Variants in CDH17 observed in about 807,000 individuals in gnomAD.
CDH17 encodes cadherin 17.
Under a neutral mutation model 86.3 loss-of-function variants are expected in CDH17, and 67 were observed. The ratio of observed to expected loss-of-function variants is 0.78; its 90% CI spans 0.64 to 0.95. CDH17 has a LOEUF of 0.95. CDH17 is among the 40% of genes least tolerant of loss of function. The pLI is 0.00. For synonymous variants in CDH17, 367 were observed against 366.4 expected (o/e 1.00, Z -0.02); for missense variants, 993 against 1,017.6 (o/e 0.98, Z 0.33).
chr8:94,148,541 C>CAA (rs59942237), intron 14 of CDH17, among the ~76,000 whole-genome samples: 479 of 29,154 alleles, frequency 0.016, 55 homozygotes, highest in African/African-American at 0.017. Flanking sequence ...GACTCCATCT[C>CAA]AAAAAAAAAA....
intron 3 of CDH17, among the ~76,000 whole-genome samples, chr8:94,180,451 A>G (rs1813459902): frequency 6.6e-6 from 1 of 152,188 alleles, no homozygotes; most frequent in South Asian, 2.1e-4. Context: ...AAATAGAATA[A>G]ACTCAAAGAA....
intron 17 of CDH17, 143 bp from the exon 18 acceptor site, chr8:94,128,483 G>T: frequency 1.6e-6 from 1 of 611,864 alleles, no homozygotes. Flanking sequence ...CTGTCCTAGT[G>T]AATAAGGGAC....
At chr8:94,211,797 C>A (rs185457065), upstream of CDH17, among the ~76,000 whole-genome samples, 85 of 152,314 alleles carry the variant, frequency 5.6e-4, no homozygotes, top group Admixed American at 2.7e-3. Flanking sequence ...TACTTAATAT[C>A]TGTCTTGCTC....
chr8:94,192,254 G>A (rs553496077), intron 2 of CDH17, among the ~76,000 whole-genome samples: 9 of 152,264 alleles, frequency 5.9e-5, no homozygotes, highest in Middle Eastern at 3.4e-3. Context: ...TCATCAAGCC[G>A]CTTTCCCCAG....
chr8:94,195,152 T>A (rs893770007), intron 1 of CDH17, among the ~76,000 whole-genome samples: 1 of 152,092 alleles, frequency 6.6e-6, no homozygotes, highest in Non-Finnish European at 1.5e-5. Flanking sequence ...CAAATGCCCA[T>A]CACCACGCCT....
chr8:94,154,241 C>A (rs974149169), intron 12 of CDH17, among the ~76,000 whole-genome samples: 1 of 152,158 alleles, frequency 6.6e-6, no homozygotes, highest in Non-Finnish European at 1.5e-5. Context: ...ATGAAAGAGT[C>A]TTTTCTGCAG....
chr8:94,216,555 G>A (rs577828498), intron 1 of CDH17, among the ~76,000 whole-genome samples: 1 of 101,862 alleles, frequency 9.8e-6, no homozygotes, highest in Admixed American at 1.4e-4. Flanking sequence ...GAGGGCTCCA[G>A]AGGGTTTGTT....
chr8:94,210,528 A>C (rs146619752), upstream of CDH17, among the ~76,000 whole-genome samples: 1 of 152,300 alleles, frequency 6.6e-6, no homozygotes, highest in East Asian at 1.9e-4. Flanking sequence ...CATGGTTTAG[A>C]CATCCTTCCA....
At chr8:94,135,597 C>T (rs1187024802) in intron 15 of CDH17, among the ~76,000 whole-genome samples, 1 of 152,178 alleles carries the variant, frequency 6.6e-6, no homozygotes, top group African/African-American at 2.4e-5. Context: ...TGGGTCTTGA[C>T]TCTTTATCCA....
Position 94,188,880 on chromosome 8 carries a change from C to T in CDH17, c.150+307G>A, listed in dbSNP as rs117488792. Among the ~76,000 whole-genome samples, 511 of 152,226 alleles carry T rather than the reference C, an allele frequency of 3.4e-3. 5 individuals carry two copies. Among genetic ancestry groups the T allele is most frequent in the South Asian group, 0.032 (156 of 4,822 alleles). ...AGCCTCGAGGGTGGATGGTCATTCC[C>T]CTCTCCAGAGACAGGTTCCCTTTCT... On this transcript the variant is annotated intron_variant, in intron 3 of 17. Transcript: ENST00000027335.
chr8:94,157,754 C>A (rs1812973484), intron 12 of CDH17, among the ~76,000 whole-genome samples: 1 of 151,978 alleles, frequency 6.6e-6, no homozygotes, highest in Admixed American at 6.6e-5. Context: ...CCCATCTCTA[C>A]AAAAATAAAA....
chr8:94,170,767 C>A, intron 8 of CDH17, 87 bp downstream of exon 8: 1 of 1,460,126 alleles, frequency 6.8e-7, no homozygotes, highest in Non-Finnish European at 9.2e-7. Context: ...TTTTTTTTTT[C>A]TTTAAAGTAA....
chr8:94,158,321 G>A (rs957913673), intron 12 of CDH17, among the ~76,000 whole-genome samples: 12 of 152,054 alleles, frequency 7.9e-5, no homozygotes, highest in Admixed American at 6.6e-5. Context: ...CATACCTCTC[G>A]TGTCAAGTTG....
rs1003047064 is a variant in CDH17 at position 94,148,434 on chromosome 8, C to T, written c.1927+310G>A. Among the ~76,000 whole-genome samples the T allele has an allele frequency of 4.7e-5, 7 of 147,542 alleles. No individual in the cohort carries two copies. The South Asian group carries it at 1.1e-3, about 23-fold the overall frequency. On this transcript the variant is annotated intron_variant, in intron 14 of 17. Transcript: ENST00000027335. ...GTGGGTGCCTGTAATCCCAGCTACTCGGAAGGCTGAGGTAGGAGAATTGCT... is the reference window on the plus strand; with the variant it reads ...GTGGGTGCCTGTAATCCCAGCTACTTGGAAGGCTGAGGTAGGAGAATTGCT...
At position 94,174,120 on chromosome 8, in the gene CDH17, T is replaced by C; in HGVS notation, c.565A>G (p.Ile189Val). The C allele has an allele frequency of 6.2e-7, 1 of 1,613,718 alleles. No homozygotes were observed. The change falls in exon 6 of 18, where the codon ATC (isoleucine) becomes GTC (valine). Residue 189 changes from isoleucine to valine, a missense_variant. Transcript: ENST00000027335. ...YFQINNKTGA[I>V]SLTREGSQEL... Reference sequence around the variant, plus strand: ...AACTTACCCTCTCGGGTAAGAGAGATGGCTCCCGTTTTGTTGTTGATCTGA... The same window carrying C: ...AACTTACCCTCTCGGGTAAGAGAGACGGCTCCCGTTTTGTTGTTGATCTGA...
chr8:94,192,788 G>A (rs1813711554), intron 2 of CDH17, among the ~76,000 whole-genome samples: 1 of 152,124 alleles, frequency 6.6e-6, no homozygotes, highest in African/African-American at 2.4e-5. Context: ...CCCAAACCCT[G>A]GATCACTTAT....
intron 17 of CDH17, among the ~76,000 whole-genome samples, chr8:94,128,838 C>T (rs758511548): frequency 5.9e-5 from 9 of 152,278 alleles, no homozygotes; most frequent in East Asian, 1.9e-4. Flanking sequence ...TCCTTGGGCG[C>T]CTTCCTCCTG....
chr8:94,194,977 C>T (rs1259097233), intron 1 of CDH17, among the ~76,000 whole-genome samples: 1 of 152,138 alleles, frequency 6.6e-6, no homozygotes, highest in East Asian at 1.9e-4. Context: ...TTCATTTCAG[C>T]GTCTTAAATG....
intron 15 of CDH17, among the ~76,000 whole-genome samples, chr8:94,145,262 G>T (rs1812718269): frequency 6.6e-6 from 1 of 152,048 alleles, no homozygotes; most frequent in African/African-American, 2.4e-5. Flanking sequence ...AGGTGAACAG[G>T]TATAGTCATT....
Sources: allele counts gnomAD v4.1 joint callset (sites outside exome capture counted in the v4.1 genomes callset), GRCh38; gene constraint gnomAD v4.1.1; transcripts MANE v1.5; gene names NCBI Gene and HGNC (gene_info 2026-07-23, HGNC 2026-07-21).